The following TFDP2 variants were observed in gnomAD, a reference collection of about 807,000 sequenced individuals.
TFDP2 encodes the protein transcription factor Dp-2.
TFDP2 carries 17 observed loss-of-function variants against 59.3 expected under a neutral mutation model. The ratio of observed to expected loss-of-function variants is 0.29; its 90% CI spans 0.20 to 0.43. The LOEUF (loss-of-function observed/expected upper bound fraction) is 0.43. Ranked by LOEUF, TFDP2 falls within the 20% of genes least tolerant of loss-of-function variation. The pLI is 1.00. For missense variants in TFDP2, 391 were observed against 528.8 expected, an observed-to-expected ratio of 0.74 and a Z score of 2.56; for synonymous variants, 180 against 194.7, an observed-to-expected ratio of 0.92 and a Z score of 0.63.
At chr3:142,136,753 A>G (rs771887337) in intron 1 of TFDP2, among the ~76,000 whole-genome samples, 1 of 151,842 alleles carries the variant, frequency 6.6e-6, no homozygotes, top group Non-Finnish European at 1.5e-5. Flanking sequence ...CTATTGGTCT[A>G]TATCTCTGTT....
chr3:142,063,505 A>G (rs1222526343), intron 3 of TFDP2, among the ~76,000 whole-genome samples: 1 of 152,224 alleles, frequency 6.6e-6, no homozygotes, highest in Non-Finnish European at 1.5e-5. Context: ...TGCTCTTTAT[A>G]ATAAACATCT....
rs1935375803 is a variant in TFDP2, at chr3:141,947,435, G to A, written c.*5078C>T. The A allele has an allele frequency of 6.6e-6, 1 of 151,680 alleles. No homozygotes were observed. Among genetic ancestry groups the A allele is most frequent in the Non-Finnish European group, 1.5e-5 (1 of 67,956 alleles). 9.4% of individuals were successfully genotyped at this position (151,680 alleles called of 1,614,324 possible). ...CTTTCTTTCTTTTTTCTTTTTTTGA[G>A]ACAGAGTCCTGCTCTGTCACCTGGG... On this transcript the variant is annotated 3_prime_UTR_variant, in exon 13 of 13. Coordinates refer to ENST00000489671, the MANE Select transcript of TFDP2 (RefSeq NM_001178139.2).
At chr3:142,045,986 C>G (rs1169061657) in intron 3 of TFDP2, among the ~76,000 whole-genome samples, 1 of 152,090 alleles carries the variant, frequency 6.6e-6, no homozygotes, top group African/African-American at 2.4e-5. Flanking sequence ...TACTATGGCT[C>G]TCACCTATTT....
At chr3:142,135,926 G>A (rs2062716329) in intron 1 of TFDP2, among the ~76,000 whole-genome samples, 1 of 152,064 alleles carries the variant, frequency 6.6e-6, no homozygotes, top group South Asian at 2.1e-4. Context: ...ACCCAGTGAT[G>A]AGATTGCTGG....
chr3:142,004,048 T>C (rs1028720350), intron 4 of TFDP2, among the ~76,000 whole-genome samples: 1 of 152,350 alleles, frequency 6.6e-6, no homozygotes, highest in Non-Finnish European at 1.5e-5. Context: ...AGTCAGGTGC[T>C]TTATCTCATT....
intron 1 of TFDP2, among the ~76,000 whole-genome samples, chr3:142,147,865 C>T (rs559264423): frequency 3.5e-4 from 54 of 152,174 alleles, no homozygotes; most frequent in African/African-American, 1.3e-3. Flanking sequence ...TGGACACTGC[C>T]ATTAAAGATT....
At position 142,079,855 on chromosome 3, in the gene TFDP2, T is replaced by C. The variant is rs150845442; in HGVS notation, c.82+13206A>G. 4.7e-3 allele frequency among the ~76,000 whole-genome samples: 722 copies of C among 152,266 alleles called. 6 individuals carry two copies. Among genetic ancestry groups the C allele is most frequent in the African/African-American group, 0.016 (671 of 41,524 alleles). On this transcript the variant is annotated intron_variant, in intron 3 of 12. Coordinates refer to ENST00000489671, the MANE Select transcript of TFDP2 (RefSeq NM_001178139.2). Reference sequence around the variant, plus strand: ...TTCCCAGACAACAAAAGCAAAGAGATTTCATCAACACCAGACCTGTTCTAC... The same window carrying C: ...TTCCCAGACAACAAAAGCAAAGAGACTTCATCAACACCAGACCTGTTCTAC...
chr3:142,148,672 G>A (rs2063265399), intron 1 of TFDP2, among the ~76,000 whole-genome samples: 1 of 152,150 alleles, frequency 6.6e-6, no homozygotes, highest in South Asian at 2.1e-4. Context: ...ACAGACCTTG[G>A]CTTTCCAGAT....
chr3:142,142,341 T>C (rs2062990134), intron 1 of TFDP2, among the ~76,000 whole-genome samples: 1 of 152,172 alleles, frequency 6.6e-6, no homozygotes, highest in South Asian at 2.1e-4. Context: ...ATTTTAAAAG[T>C]AACTCCATTT....
chr3:141,994,635 G>A (rs1197270052), intron 5 of TFDP2: 2 of 153,624 alleles, frequency 1.3e-5, no homozygotes, highest in Non-Finnish European at 2.9e-5. Flanking sequence ...TGGTCTTTAT[G>A]GAAGTAATTC....
rs1313662818 is a variant in TFDP2, at chr3:141,951,571, C to T, written c.*942G>A. ...AGTAATGACATTTGGTTCATTTTCA[C>T]AAATTGCACACTGGGTGAGATCATA... On this transcript the variant is annotated 3_prime_UTR_variant, in exon 13 of 13. Transcript: ENST00000489671. 1 of 152,630 alleles carries T rather than the reference C, an allele frequency of 6.6e-6. No homozygotes were observed. The highest frequency in any genetic ancestry group is 1.5e-5 in the Non-Finnish European group (1 of 68,038). The allele number at this position is 152,630 out of a possible 1,614,324, so 9.5% of individuals were successfully genotyped here.
chr3:142,064,332 C>T (rs1189296348), intron 3 of TFDP2, among the ~76,000 whole-genome samples: 1 of 152,112 alleles, frequency 6.6e-6, no homozygotes, highest in Non-Finnish European at 1.5e-5. Flanking sequence ...CACCCCAGAC[C>T]TACTGTATCA....
chr3:142,108,452 C>A (rs183869513), intron 1 of TFDP2, among the ~76,000 whole-genome samples: 5 of 152,106 alleles, frequency 3.3e-5, no homozygotes, highest in Admixed American at 3.3e-4. Context: ...TCAAGTGACC[C>A]GCCCACCTCG....
chr3:142,003,509 T>G (rs995484049), intron 4 of TFDP2, among the ~76,000 whole-genome samples: 2 of 152,184 alleles, frequency 1.3e-5, no homozygotes, highest in Non-Finnish European at 2.9e-5. Context: ...AAAGGCTCTA[T>G]CCCTTAATAG....
At chr3:142,031,152 A>G (rs1946413652) in intron 3 of TFDP2, among the ~76,000 whole-genome samples, 2 of 152,210 alleles carry the variant, frequency 1.3e-5, no homozygotes, top group African/African-American at 4.8e-5. Flanking sequence ...TTTTAACAAT[A>G]AACCTAACAG....
chr3:142,021,378 G>A (rs9867745), intron 3 of TFDP2, among the ~76,000 whole-genome samples: 7,006 of 152,188 alleles, frequency 0.046, 166 homozygotes, highest in South Asian at 0.07. Flanking sequence ...GAATGTTTCT[G>A]CAGCTGCCAG....
Position 141,995,070 on chromosome 3 carries a change from T to G in TFDP2, c.258A>C (p.Pro86=). Residue 86 remains proline, a synonymous_variant, in exon 5 of 13, where the codon CCA becomes CCC. Coordinates refer to ENST00000489671, the MANE Select transcript of TFDP2 (RefSeq NM_001178139.2). ...VLIGSPYTPA[P]AMVTQTHIAE... is the part of the protein sequence containing the mutation. The stretch of plus-strand genomic sequence containing the variant: ...CTATGTGTGTCTGAGTAACCATTGC[T>G]GGTGCAGGGGTATATGGACTCCCAA... The G allele has an allele frequency of 6.2e-7, 1 of 1,610,894 alleles. No homozygotes were observed. The highest frequency in any genetic ancestry group is 8.5e-7 in the Non-Finnish European group (1 of 1,178,204).
chr3:142,043,661 T>C, intron 3 of TFDP2: 1 of 981,548 alleles, frequency 1.0e-6, no homozygotes, highest in Non-Finnish European at 1.7e-6. Flanking sequence ...AAAGTCTTGA[T>C]GATCTCCTCC....
intron 3 of TFDP2, among the ~76,000 whole-genome samples, chr3:142,073,659 G>A (rs1488514136): frequency 6.6e-6 from 1 of 152,090 alleles, no homozygotes; most frequent in Non-Finnish European, 1.5e-5. Flanking sequence ...ACGTCAAGTT[G>A]AAGAAAGTGT....
Sources: allele counts gnomAD v4.1 joint callset (sites outside exome capture counted in the v4.1 genomes callset), GRCh38; gene constraint gnomAD v4.1.1; transcripts MANE v1.5; gene names NCBI Gene and HGNC (gene_info 2026-07-23, HGNC 2026-07-21).